Variants in ABCA3 observed in about 807,000 individuals in gnomAD.
ABCA3 encodes the protein phospholipid-transporting ATPase ABCA3.
ABCA3 carries 88 observed loss-of-function variants against 172.8 expected under a neutral mutation model. The ratio of observed to expected loss-of-function variants is 0.51; its 90% CI spans 0.43 to 0.61. The LOEUF (loss-of-function observed/expected upper bound fraction) is 0.61. Among genes scored for constraint, ABCA3 ranks in the 20% least tolerant of loss-of-function variants. The pLI is 0.00. For synonymous variants in ABCA3, 1,066 were observed against 983.8 expected, an observed-to-expected ratio of 1.08 and a Z score of -1.56; for missense variants, 2,164 against 2,301.0, an observed-to-expected ratio of 0.94 and a Z score of 1.22.
At chr16:2,338,448 A>G (rs1404788970) in intron 1 of ABCA3, among the ~76,000 whole-genome samples, 2 of 152,170 alleles carry the variant, frequency 1.3e-5, no homozygotes, top group African/African-American at 4.8e-5. Context: ...GGCTGCCTGC[A>G]CAATGGAATT....
chr16:2,305,746 T>G (rs1480114718), intron 11 of ABCA3, among the ~76,000 whole-genome samples: 2 of 152,174 alleles, frequency 1.3e-5, no homozygotes, highest in African/African-American at 4.8e-5. Flanking sequence ...TTTTTTTACA[T>G]TTTAATTTTG....
At chr16:2,335,951 T>C (rs968306148) in intron 1 of ABCA3, among the ~76,000 whole-genome samples, 1 of 152,228 alleles carries the variant, frequency 6.6e-6, no homozygotes, top group Non-Finnish European at 1.5e-5. Context: ...TTTTCTTTTG[T>C]GAAAAGTTCC....
At chr16:2,332,229 A>G in intron 1 of ABCA3, 2 of 430,032 alleles carry the variant, frequency 4.7e-6, no homozygotes, top group Middle Eastern at 6.8e-4. Context: ...AAACTCCTCC[A>G]TTTCTTTTTT....
intron 18 of ABCA3, among the ~76,000 whole-genome samples, chr16:2,292,762 TAAATA>T (rs750730066): frequency 6.6e-5 from 10 of 151,678 alleles, no homozygotes; most frequent in South Asian, 2.1e-4. Context: ...TCTACTAAAA[TAAATA>T]AAACAAAACA....
intron 1 of ABCA3, among the ~76,000 whole-genome samples, chr16:2,338,920 A>T (rs1325865243): frequency 6.6e-6 from 1 of 151,826 alleles, no homozygotes; most frequent in South Asian, 2.1e-4. Context: ...ATGCCCGGCT[A>T]ATTTTTTATA....
chr16:2,282,393 C>T (rs942869631), intron 26 of ABCA3, among the ~76,000 whole-genome samples: 2 of 152,238 alleles, frequency 1.3e-5, no homozygotes, highest in African/African-American at 4.8e-5. Flanking sequence ...GCCACCATGC[C>T]TGGCCAAAGA....
chr16:2,316,432 G>A (rs1458270917), intron 10 of ABCA3, among the ~76,000 whole-genome samples: 21 of 135,274 alleles, frequency 1.6e-4, no homozygotes, highest in African/African-American at 5.5e-4. Flanking sequence ...ATCGCTTGAG[G>A]TCAGGATTTC....
rs981839883 is a variant in ABCA3, at chr16:2,277,164, T to C, written c.4984-359A>G. Among the ~76,000 whole-genome samples the C allele has an allele frequency of 3.3e-5, 5 of 152,266 alleles. No individual in the cohort carries two copies. Among genetic ancestry groups the C allele is most frequent in the African/African-American group, 9.6e-5 (4 of 41,564 alleles). On this transcript the variant is annotated intron_variant, in intron 32 of 32. Transcript: ENST00000301732. This position sits in a 1 kb window ranked among gnomAD's most constrained non-coding sequence, Gnocchi z 5.3. ...AGGCTGGAGTGCAGTGGCACAATCA[T>C]AGCTCACTGCAGTCTCGAACTCCCA...
intron 6 of ABCA3, 96 bp downstream of exon 6, chr16:2,324,308 G>C: frequency 6.7e-7 from 1 of 1,501,088 alleles, no homozygotes; most frequent in Non-Finnish European, 8.9e-7. Context: ...AGGTTTAAGG[G>C]AAAGCAGTGC....
intron 18 of ABCA3, among the ~76,000 whole-genome samples, chr16:2,293,011 TG>T (rs2093674462): frequency 6.6e-6 from 1 of 152,206 alleles, no homozygotes; most frequent in African/African-American, 2.4e-5. Context: ...CCCTATAGAA[TG>T]GGGCAGGGGC....
In ABCA3 at chr16:2,326,442, G is replaced by A; in HGVS notation, c.25C>T (p.Leu9Phe). 1.2e-6 allele frequency: 2 copies of A among 1,612,628 alleles called. No homozygotes were observed. The highest frequency in any genetic ancestry group is 1.6e-4 in the Middle Eastern group (1 of 6,062). The change falls in exon 4 of 33, where the codon CTC becomes TTC. Residue 9 changes from leucine to phenylalanine, a missense_variant. Physicochemically the swap from Leu to Phe is conservative, Grantham distance 22. Coordinates refer to ENST00000301732, the MANE Select transcript of ABCA3 (RefSeq NM_001089.3). Reference protein sequence around the residue: MAVLRQLALLLWKNYTLQK... With the variant: MAVLRQLAFLLWKNYTLQK... Reference sequence around the variant, plus strand: ...AGGGTGTAGTTCTTCCAGAGGAGGAGCGCCAGCTGCCTGAGCACAGCCATC... The same window carrying A: ...AGGGTGTAGTTCTTCCAGAGGAGGAACGCCAGCTGCCTGAGCACAGCCATC...
intron 1 of ABCA3, among the ~76,000 whole-genome samples, chr16:2,337,536 G>C (rs1348342109): frequency 6.7e-6 from 1 of 150,198 alleles, no homozygotes; most frequent in Non-Finnish European, 1.5e-5. Flanking sequence ...ACCATGCCCG[G>C]CTAATTGTTT....
At position 2,326,132 on chromosome 16, in the gene ABCA3, G is replaced by A; in HGVS notation, c.197C>T (p.Pro66Leu). 6.2e-7 allele frequency: 1 copy of A among 1,614,174 alleles called. No homozygotes were observed. The highest frequency in any genetic ancestry group is 8.5e-7 in the Non-Finnish European group (1 of 1,180,046). The part of the protein sequence containing the change: ...IYPGQSIQEL[P>L]LFFTFPPPGD... ...TGGCGGAGGGAAGGTGAAGAACAGA[G>A]GCAGCTCCTGGATGGACTGGCCCGG... is the stretch of plus-strand genomic sequence containing the variant. Residue 66 changes from proline to leucine, a missense_variant, in exon 5 of 33, where the codon CCT becomes CTT. Coordinates refer to ENST00000301732, the MANE Select transcript of ABCA3 (RefSeq NM_001089.3).
chr16:2,333,516 G>A (rs987754107), intron 1 of ABCA3, among the ~76,000 whole-genome samples: 2 of 152,138 alleles, frequency 1.3e-5, no homozygotes, highest in Admixed American at 6.5e-5. Context: ...AAAGATCCGC[G>A]TGTATGCGCA....
chr16:2,307,699 G>C (rs1412464876), intron 11 of ABCA3, among the ~76,000 whole-genome samples: 1 of 152,142 alleles, frequency 6.6e-6, no homozygotes, highest in Non-Finnish European at 1.5e-5. Context: ...TCCGCCTCCT[G>C]GGTTCACGCC....
rs759229602 is a variant in ABCA3 at position 2,288,053 on chromosome 16, C to T, written c.2977G>A (p.Glu993Lys). Residue 993 changes from glutamate to lysine, a missense_variant, in exon 21 of 33, where the codon GAG becomes AAG. By Grantham distance (56) the Glu-to-Lys change is moderately conservative. Around this residue, in one of 3 missense-constraint regions of ABCA3, gnomAD observed 1,343 missense variants for 1,369.6 expected, o/e 0.98. Coordinates refer to ENST00000301732, the MANE Select transcript of ABCA3 (RefSeq NM_001089.3). ...SEHLKDALQAEGQEPREVLGD... is the reference protein window; with the variant it reads ...SEHLKDALQAKGQEPREVLGD... ...AGCACCTCGCGGGGCTCCTGTCCCT[C>T]AGCCTGCAGTGCGTCTTTCAGATGC... The T allele has an allele frequency of 8.7e-6, 14 of 1,610,990 alleles. No individual in the cohort carries two copies. The highest frequency in any genetic ancestry group is 5.0e-5 in the Admixed American group (3 of 59,998).
In ABCA3 at chr16:2,287,623, C is replaced by T. The variant is rs1377218610; in HGVS notation, c.3004+403G>A. Reference sequence around the variant, plus strand: ...TGTTGAAAGAAAACACCCTGTCACACGAAGGCACACTGTGGCCAGCATCAT... The same window carrying T: ...TGTTGAAAGAAAACACCCTGTCACATGAAGGCACACTGTGGCCAGCATCAT... On this transcript the variant is annotated intron_variant, in intron 21 of 32. Coordinates refer to ENST00000301732, the MANE Select transcript of ABCA3 (RefSeq NM_001089.3). This position sits in a 1 kb window ranked among gnomAD's most constrained non-coding sequence, Gnocchi z 4.1. 1.3e-5 allele frequency among the ~76,000 whole-genome samples: 2 copies of T among 152,190 alleles called. No individual in the cohort carries two copies. The highest frequency in any genetic ancestry group is 2.9e-5 in the Non-Finnish European group (2 of 68,032).
chr16:2,298,559 C>T lies in ABCA3; in HGVS notation c.1742-19G>A, dbSNP rs979778773. 2.5e-6 allele frequency: 4 copies of T among 1,611,654 alleles called. No individual in the cohort carries two copies. The highest frequency in any genetic ancestry group is 1.3e-5 in the African/African-American group (1 of 74,842). ...AAGAGACCTGGGGCCCAGCAGGAGACCCCACATTCAGCATGAAGATCCTGC... is the reference window on the plus strand; with the variant it reads ...AAGAGACCTGGGGCCCAGCAGGAGATCCCACATTCAGCATGAAGATCCTGC... On this transcript the variant is annotated intron_variant, in intron 14 of 32. Coordinates refer to ENST00000301732, the MANE Select transcript of ABCA3 (RefSeq NM_001089.3).
rs768726940 is a variant in ABCA3, at chr16:2,281,510, CTGAT to C, written c.4036-5_4036-2del. 3.8e-6 allele frequency: 6 copies of C among 1,563,620 alleles called. No individual in the cohort carries two copies. The highest frequency in any genetic ancestry group is 4.9e-5 in the East Asian group (2 of 41,138). ...CAGGCATCCGGGTGTATAATTCTGT[CTGAT>C]TGACCAGGACAAAGACCGCATGCGT... On this transcript the variant is annotated splice_acceptor_variant and splice_polypyrimidine_tract_variant and intron_variant, in intron 26 of 32. Coordinates refer to ENST00000301732, the MANE Select transcript of ABCA3 (RefSeq NM_001089.3). LOFTEE classifies it high-confidence loss of function. This position sits in a 1 kb window ranked among gnomAD's most constrained non-coding sequence, Gnocchi z 4.7.
Sources: allele counts gnomAD v4.1 joint callset (sites outside exome capture counted in the v4.1 genomes callset), GRCh38; gene constraint gnomAD v4.1.1; regional missense constraint gnomAD v4.1.1; non-coding constraint Gnocchi (gnomAD v3.1); transcripts MANE v1.5; gene names NCBI Gene and HGNC (gene_info 2026-07-23, HGNC 2026-07-21).